ATP1A2: variants seen among roughly 807,000 people sequenced by gnomAD.
ATP1A2 encodes the protein sodium/potassium-transporting ATPase subunit alpha-2.
In ATP1A2, 56 loss-of-function variants were observed where a neutral mutation model predicts 113.1. The observed-to-expected ratio is 0.49, with a 90% confidence interval of 0.40 to 0.62. The LOEUF is 0.62. Ranked by LOEUF, ATP1A2 falls within the 20% of genes least tolerant of loss-of-function variation. ATP1A2 has a pLI of 0.00. For synonymous variants in ATP1A2, 490 were observed against 526.8 expected (o/e 0.93, Z 0.96); for missense variants, 712 against 1,357.8 (o/e 0.52, Z 7.47).
At chr1:160,129,436 G>A (rs898183048) in intron 11 of ATP1A2, 36 bp downstream of exon 11, 5 of 1,606,008 alleles carry the variant, frequency 3.1e-6, no homozygotes, top group Non-Finnish European at 4.2e-6. Context: ...GAAGAGAGAG[G>A]GATATAAATG....
In ATP1A2 at chr1:160,126,634, A is replaced by AAT. The variant is rs201825459; in HGVS notation, c.749-907_749-906dup. ...CAGGCGCGTGATACCACACCCAGCT[A>AAT]ATATATATATATGTATATTAGAGAT... On this transcript the variant is annotated intron_variant, in intron 7 of 22. Transcript: ENST00000361216. 8.5e-3 allele frequency among the ~76,000 whole-genome samples: 1,297 copies of AAT among 151,826 alleles called. 14 individuals carry two copies. Among genetic ancestry groups the AAT allele is most frequent in the African/African-American group, 0.029 (1,202 of 41,370 alleles).
At position 160,125,210 on chromosome 1, in the gene ATP1A2, G is replaced by A. The variant is rs1019036534; in HGVS notation, c.705G>A (p.Leu235=). Reference sequence around the variant, plus strand: ...CCGAGTTCACCCATGAGAACCCCCTGGAGACCCGCAATATCTGTTTCTTCT... The same window carrying A: ...CCGAGTTCACCCATGAGAACCCCCTAGAGACCCGCAATATCTGTTTCTTCT... ...RSPEFTHENP[L]ETRNICFFST... is the part of the protein sequence containing the mutation. The change falls in exon 7 of 23, where the codon CTG becomes CTA. Residue 235 remains leucine, a synonymous_variant. Coordinates refer to ENST00000361216, the MANE Select transcript of ATP1A2 (RefSeq NM_000702.4). 11 of 1,614,028 alleles carry A rather than the reference G, an allele frequency of 6.8e-6. No homozygotes were observed. The highest frequency in any genetic ancestry group is 1.7e-5 in the Admixed American group (1 of 60,008).
chr1:160,139,584 G>A (rs1006527742), intron 20 of ATP1A2, 56 bp from the exon 21 acceptor site: 31 of 1,514,908 alleles, frequency 2.0e-5, no homozygotes, highest in Admixed American at 1.5e-4. Context: ...GGGTATCCCA[G>A]GATCTCTGCC....
At chr1:160,132,543 T>C (rs1285222879) in intron 13 of ATP1A2, among the ~76,000 whole-genome samples, 1 of 152,136 alleles carries the variant, frequency 6.6e-6, no homozygotes, top group Non-Finnish European at 1.5e-5. Flanking sequence ...TTTGAGAACT[T>C]GGTGACCAAA....
Position 160,136,008 on chromosome 1 carries a change from TGGA to T in ATP1A2, c.2439+21_2439+23del, listed in dbSNP as rs1285234564. The T allele has an allele frequency of 6.2e-6, 10 of 1,612,760 alleles. No homozygotes were observed. Among genetic ancestry groups the T allele is most frequent in the Non-Finnish European group, 8.5e-6 (10 of 1,179,772 alleles). On this transcript the variant is annotated intron_variant, in intron 17 of 22. Coordinates refer to ENST00000361216, the MANE Select transcript of ATP1A2 (RefSeq NM_000702.4). ...GCACAGATATGGTGAGCGCAGGAGG[TGGA>T]GGAGGGGACAGGCAAGGCAATCGTG...
At chr1:160,137,302 A>T in intron 20 of ATP1A2, 1 of 494,500 alleles carries the variant, frequency 2.0e-6, no homozygotes, top group African/African-American at 2.0e-5. Context: ...CTTGAGTGCC[A>T]CCTGCTCCTA....
At chr1:160,121,103 T>A in intron 2 of ATP1A2, 89 bp from the exon 3 acceptor site, 1 of 1,601,560 alleles carries the variant, frequency 6.2e-7, no homozygotes, top group African/African-American at 1.3e-5. Flanking sequence ...GTGTCCCCCA[T>A]GCTGCTCAAC....
intron 20 of ATP1A2, 169 bp downstream of exon 20, chr1:160,137,200 CA>C (rs1339779670): frequency 8.8e-7 from 1 of 1,139,218 alleles, no homozygotes; most frequent in Non-Finnish European, 1.3e-6. Context: ...AGAGAGAAGC[CA>C]TGCTTCAGGC....
chr1:160,136,642 G>C lies in ATP1A2; in HGVS notation c.2636G>C (p.Arg879Pro). ...ILAENGFLPSRLLGIRLDWDD... is the reference protein window; with the variant it reads ...ILAENGFLPSPLLGIRLDWDD... The stretch of plus-strand genomic sequence containing the variant: ...GCAGAGAACGGTTTCCTGCCATCAC[G>C]GCTACTGGGAATCCGCCTCGACTGG... The change falls in exon 19 of 23, where the codon CGG becomes CCG. Residue 879 changes from arginine to proline, a missense_variant. This residue lies in a region of ATP1A2 where 188 missense variants were observed against 438.9 expected (regional missense o/e 0.43). Coordinates refer to ENST00000361216, the MANE Select transcript of ATP1A2 (RefSeq NM_000702.4). 1.9e-6 allele frequency: 3 copies of C among 1,614,192 alleles called. No homozygotes were observed. Among genetic ancestry groups the C allele is most frequent in the Non-Finnish European group, 2.5e-6 (3 of 1,180,034 alleles).
chr1:160,116,005 A>G (rs1295203606), intron 1 of ATP1A2, 132 bp downstream of exon 1: 1 of 1,415,246 alleles, frequency 7.1e-7, no homozygotes, highest in Non-Finnish European at 9.8e-7. Flanking sequence ...CTTGAAACTA[A>G]CAGTCTCCAA....
rs1033182244 is a variant in ATP1A2, at chr1:160,130,096, C to A, written c.1462-6C>A. ...CCCTCTCTGTAACTACCTGTTGTCT[C>A]TCCAGCTGTCTATCCACGAGCGAGA... On this transcript the variant is annotated splice_region_variant and splice_polypyrimidine_tract_variant and intron_variant, in intron 11 of 22. Transcript: ENST00000361216. 10 of 1,614,210 alleles carry A rather than the reference C, an allele frequency of 6.2e-6. No individual in the cohort carries two copies. The highest frequency in any genetic ancestry group is 8.5e-6 in the Non-Finnish European group (10 of 1,180,044).
At chr1:160,130,722 A>T in intron 13 of ATP1A2, 125 bp downstream of exon 13, 1 of 1,357,432 alleles carries the variant, frequency 7.4e-7, no homozygotes. Context: ...CTCAGAGAAG[A>T]AGCTGTCCAT....
rs761182055 is a variant in ATP1A2 at position 160,135,812 on chromosome 1, C to T, written c.2285-27C>T. On this transcript the variant is annotated intron_variant, in intron 16 of 22. Coordinates refer to ENST00000361216, the MANE Select transcript of ATP1A2 (RefSeq NM_000702.4). This position sits in a 1 kb window ranked among gnomAD's most constrained non-coding sequence, Gnocchi z 6.3. ...GGTGGGGAAGAGTCCCTCTGACCTC[C>T]CTGATGCCCTCAGAATCTCCCCACA... 5.0e-6 allele frequency: 8 copies of T among 1,614,018 alleles called. No homozygotes were observed. In the Admixed American group the frequency reaches 8.3e-5, roughly 17 times the overall value.
At position 160,141,541 on chromosome 1, in the gene ATP1A2, A is replaced by G. The variant is rs1652151012; in HGVS notation, c.*219A>G. The stretch of plus-strand genomic sequence containing the variant: ...AATCAGATTAGACACTATGTGTTAG[A>G]GTCCCCCCGACCAGATCCTTTTCCA... On this transcript the variant is annotated 3_prime_UTR_variant, in exon 23 of 23. Transcript: ENST00000361216. The G allele has an allele frequency of 2.1e-5, 13 of 630,446 alleles. No homozygotes were observed. Among genetic ancestry groups the G allele is most frequent in the South Asian group, 2.0e-4 (11 of 56,236 alleles). The allele number at this position is 630,446 out of a possible 1,614,324, so 39.1% of individuals were successfully genotyped here.
chr1:160,133,557 G>C (rs752689050), intron 13 of ATP1A2, among the ~76,000 whole-genome samples: 3 of 152,136 alleles, frequency 2.0e-5, no homozygotes, highest in Non-Finnish European at 4.4e-5. Context: ...AGGGACCACC[G>C]TGCTCACCAG....
rs772082739 is a variant in ATP1A2 at position 160,123,429 on chromosome 1, G to C, written c.381+13G>C. The C allele has an allele frequency of 6.2e-7, 1 of 1,614,090 alleles. No individual in the cohort carries two copies. ...ATCCAACGACAATGTGAGCCCACAC[G>C]CCCGACCCGGGAACAGCCCGTGACT... On this transcript the variant is annotated intron_variant, in intron 4 of 22. Transcript: ENST00000361216.
intron 7 of ATP1A2, among the ~76,000 whole-genome samples, chr1:160,126,442 A>G (rs2101987602): frequency 6.6e-6 from 1 of 152,310 alleles, no homozygotes; most frequent in East Asian, 1.9e-4. Context: ...ACAAATAAAA[A>G]TCACCACACA....
Position 160,135,039 on chromosome 1 carries a change from G to T in ATP1A2, c.1965-106G>T. ...AGAACTGAAGCAACAGGGGAAGCAGGCTCAGCAGGGAGCCTGCAGGCTGCG... is the reference window on the plus strand; with the variant it reads ...AGAACTGAAGCAACAGGGGAAGCAGTCTCAGCAGGGAGCCTGCAGGCTGCG... On this transcript the variant is annotated intron_variant, in intron 14 of 22. Transcript: ENST00000361216. This position sits in a 1 kb window ranked among gnomAD's most constrained non-coding sequence, Gnocchi z 6.3. 1 of 1,458,486 alleles carries T rather than the reference G, an allele frequency of 6.9e-7. No individual in the cohort carries two copies. Among genetic ancestry groups the T allele is most frequent in the Middle Eastern group, 1.8e-4 (1 of 5,706 alleles). The allele number at this position is 1,458,486 out of a possible 1,614,324, so 90.3% of individuals were successfully genotyped here. A position where few individuals can be genotyped will look rare whatever the true frequency, so the allele number is the denominator to read the frequency against.
At position 160,135,936 on chromosome 1, in the gene ATP1A2, C is replaced by T; in HGVS notation, c.2382C>T (p.Asn794=). 6.2e-7 allele frequency: 1 copy of T among 1,614,134 alleles called. No individual in the cohort carries two copies. The highest frequency in any genetic ancestry group is 1.3e-5 in the African/African-American group (1 of 75,006). The change falls in exon 17 of 23, where the codon AAC becomes AAT. Residue 794 remains asparagine, a synonymous_variant. Coordinates refer to ENST00000361216, the MANE Select transcript of ATP1A2 (RefSeq NM_000702.4). This position sits in a 1 kb window ranked among gnomAD's most constrained non-coding sequence, Gnocchi z 6.3. ...CCTTCCTGCTGTTCATCATTGCCAA[C>T]ATCCCCCTACCTCTGGGCACTGTGA... The part of the protein sequence containing the change: ...ITPFLLFIIA[N]IPLPLGTVTI...
Sources: allele counts gnomAD v4.1 joint callset (sites outside exome capture counted in the v4.1 genomes callset), GRCh38; gene constraint gnomAD v4.1.1; regional missense constraint gnomAD v4.1.1; non-coding constraint Gnocchi (gnomAD v3.1); transcripts MANE v1.5; gene names NCBI Gene and HGNC (gene_info 2026-07-23, HGNC 2026-07-21).